KLHL7: variants seen among roughly 807,000 people sequenced by gnomAD.
The protein encoded by KLHL7 is kelch-like protein 7.
A neutral mutation model predicts 67.4 loss-of-function variants in KLHL7; 44 were observed. The ratio of observed to expected loss-of-function variants is 0.65; its 90% confidence interval spans 0.51 to 0.84. The LOEUF (loss-of-function observed/expected upper bound fraction) is 0.84, where lower values mean the gene tolerates loss of function less well. KLHL7 is among the 40% of genes least tolerant of loss of function. The probability of loss-of-function intolerance (pLI) is 0.00; values close to 1 mark genes in which losing one functional copy is unlikely to be tolerated. For missense variants in KLHL7, 362 were observed against 718.1 expected (o/e 0.50, Z 5.67); for synonymous variants, 252 against 243.3 (o/e 1.04, Z -0.33).
chr7:23,164,758 A>G (rs1039207462), intron 7 of KLHL7, among the ~76,000 whole-genome samples: 1 of 152,226 alleles, frequency 6.6e-6, no homozygotes, highest in Non-Finnish European at 1.5e-5. Context: ...AATCCAATGA[A>G]TGCCTGAAAC....
chr7:23,147,079 AC>A (rs975088224), intron 6 of KLHL7, among the ~76,000 whole-genome samples: 4 of 136,812 alleles, frequency 2.9e-5, no homozygotes, highest in African/African-American at 1.1e-4. Context: ...TCTATGTATT[AC>A]TTATTAACCT....
chr7:23,171,760 A>G (rs1785169761), intron 9 of KLHL7, among the ~76,000 whole-genome samples: 1 of 152,218 alleles, frequency 6.6e-6, no homozygotes. Context: ...CCCAGGCTGC[A>G]GTGCAGTGGC....
chr7:23,174,995 C>T lies in KLHL7; in HGVS notation c.*697C>T, dbSNP rs937500759. ...TCATTAATTTATGTCTCTGTTTTATCCAGTGGTTAAAAAAGGATTCTGCCT... is the reference window on the plus strand; with the variant it reads ...TCATTAATTTATGTCTCTGTTTTATTCAGTGGTTAAAAAAGGATTCTGCCT... On this transcript the variant is annotated 3_prime_UTR_variant, in exon 11 of 11. Transcript: ENST00000339077. The T allele has an allele frequency of 2.2e-6, 1 of 449,004 alleles. No homozygotes were observed. The highest frequency in any genetic ancestry group is 4.5e-6 in the Non-Finnish European group (1 of 224,258). 27.8% of individuals were successfully genotyped at this position (449,004 alleles called of 1,614,324 possible). A position where few individuals can be genotyped will look rare whatever the true frequency, so the allele number is the denominator to read the frequency against.
chr7:23,141,215 T>C (rs1022969535), intron 5 of KLHL7, among the ~76,000 whole-genome samples: 4 of 152,324 alleles, frequency 2.6e-5, no homozygotes, highest in African/African-American at 9.6e-5. Context: ...ATCTGGAATA[T>C]ACCTGTGTGG....
At chr7:23,134,290 G>C (rs1783899873) in intron 4 of KLHL7, among the ~76,000 whole-genome samples, 1 of 152,134 alleles carries the variant, frequency 6.6e-6, no homozygotes, top group African/African-American at 2.4e-5. Flanking sequence ...TTGCATTCCA[G>C]AGATAAATCC....
intron 7 of KLHL7, chr7:23,156,021 G>A: frequency 2.1e-6 from 1 of 466,782 alleles, no homozygotes; most frequent in Non-Finnish European, 4.4e-6. Flanking sequence ...TTCTACACGA[G>A]CCTGGAAGTG....
At chr7:23,106,210 C>T (rs1438147937) in intron 1 of KLHL7, 64 bp downstream of exon 1, 1 of 1,581,692 alleles carries the variant, frequency 6.3e-7, no homozygotes. Context: ...GCCCCTGGTT[C>T]CCGGGGTGGA....
intron 7 of KLHL7, among the ~76,000 whole-genome samples, chr7:23,164,326 T>C (rs1365305340): frequency 6.6e-6 from 1 of 152,236 alleles, no homozygotes; most frequent in Admixed American, 6.5e-5. Flanking sequence ...AATTCTCTGC[T>C]ACATAAACCT....
chr7:23,153,530 G>A lies in KLHL7; in HGVS notation c.936+1321G>A, dbSNP rs1473146682. Among the ~76,000 whole-genome samples the A allele has an allele frequency of 2.6e-5, 4 of 152,172 alleles. No homozygotes were observed. In the East Asian group the frequency reaches 7.7e-4, roughly 29 times the overall value. ...CAGGTCAGGTAAAATTGTTCAAGAT[G>A]GGTTAATGACATGGTCACCTGGTTT... On this transcript the variant is annotated intron_variant, in intron 7 of 10. Transcript: ENST00000339077.
At chr7:23,167,726 C>A in intron 8 of KLHL7, 110 bp from the exon 9 acceptor site, 1 of 890,146 alleles carries the variant, frequency 1.1e-6, no homozygotes, top group Non-Finnish European at 1.8e-6. Flanking sequence ...ATGAAAATGG[C>A]CGTATGACCC....
chr7:23,154,800 T>C (rs1385755254), intron 7 of KLHL7, among the ~76,000 whole-genome samples: 3 of 152,328 alleles, frequency 2.0e-5, no homozygotes, highest in Middle Eastern at 3.4e-3. Flanking sequence ...AAGTGTTAGC[T>C]ATATGGCAAG....
chr7:23,174,598 T>C lies in KLHL7; in HGVS notation c.*300T>C, dbSNP rs1309984695. 7.8e-6 allele frequency: 4 copies of C among 510,878 alleles called. No homozygotes were observed. Among genetic ancestry groups the C allele is most frequent in the Admixed American group, 2.3e-5 (1 of 44,268 alleles). 31.6% of individuals were successfully genotyped at this position (510,878 alleles called of 1,614,324 possible). Reference sequence around the variant, plus strand: ...ATTTGTAACTATGATTTTGGCAGAATAGAAGATTGGCTCATCAGTGAAGCG... The same window carrying C: ...ATTTGTAACTATGATTTTGGCAGAACAGAAGATTGGCTCATCAGTGAAGCG... On this transcript the variant is annotated 3_prime_UTR_variant, in exon 11 of 11. Transcript: ENST00000339077.
intron 1 of KLHL7, among the ~76,000 whole-genome samples, chr7:23,120,729 G>A (rs1057463872): frequency 6.6e-6 from 1 of 152,026 alleles, no homozygotes; most frequent in Non-Finnish European, 1.5e-5. Context: ...ATCACACCTG[G>A]TTAATTTTTT....
intron 1 of KLHL7, among the ~76,000 whole-genome samples, chr7:23,113,661 T>C (rs1438906125): frequency 6.6e-6 from 1 of 152,130 alleles, no homozygotes; most frequent in Non-Finnish European, 1.5e-5. Context: ...TGAAACCCCG[T>C]CTCTACTAAA....
intron 1 of KLHL7, chr7:23,106,594 T>C (rs992683042): frequency 1.9e-6 from 2 of 1,031,028 alleles, no homozygotes; most frequent in African/African-American, 3.4e-5. Context: ...TAAATAAGGA[T>C]CCCCGCCCCC....
At chr7:23,156,236 G>T (rs1784702640) in intron 7 of KLHL7, 2 of 189,200 alleles carry the variant, frequency 1.1e-5, no homozygotes, top group Non-Finnish European at 2.2e-5. Context: ...TGACTAAAAA[G>T]TTATAGCAAA....
At chr7:23,120,936 G>A (rs1038293124) in intron 1 of KLHL7, among the ~76,000 whole-genome samples, 2 of 152,148 alleles carry the variant, frequency 1.3e-5, no homozygotes, top group Non-Finnish European at 2.9e-5. Flanking sequence ...CCATCTGGCT[G>A]TAATTTTATG....
At chr7:23,149,863 C>T (rs550593388) in intron 6 of KLHL7, among the ~76,000 whole-genome samples, 2 of 152,320 alleles carry the variant, frequency 1.3e-5, no homozygotes, top group Admixed American at 1.3e-4. Context: ...TCTACTCAAA[C>T]TCTGAAATGG....
chr7:23,125,926 A>C, intron 4 of KLHL7: 6 of 1,325,356 alleles, frequency 4.5e-6, no homozygotes, highest in Non-Finnish European at 6.3e-6. Context: ...AACTGCAGAT[A>C]GTACTGAATC....
Sources: gnomAD v4.1 joint callset for allele counts (sites outside exome capture counted in the v4.1 genomes callset) on GRCh38, gnomAD v4.1.1 for gene constraint, MANE v1.5 for transcripts, NCBI Gene and HGNC (gene_info 2026-07-23, HGNC 2026-07-21) for gene names.